The following PRPSAP1 variants were observed in gnomAD, a reference collection of about 807,000 sequenced individuals.
PRPSAP1 encodes the protein phosphoribosyl pyrophosphate synthase-associated protein 1.
In PRPSAP1, 31 loss-of-function variants were observed where a neutral mutation model predicts 39.4. The ratio of observed to expected loss-of-function variants is 0.79; its 90% CI spans 0.59 to 1.06. The LOEUF is 1.06. Ranked by LOEUF, PRPSAP1 falls within the 50% of genes least tolerant of loss-of-function variation. The pLI is 0.00. For missense variants in PRPSAP1, 430 were observed against 511.6 expected, an observed-to-expected ratio of 0.84 and a Z score of 1.54; for synonymous variants, 212 against 192.6, an observed-to-expected ratio of 1.10 and a Z score of -0.83.
chr17:76,332,875 G>T (rs1300528563), intron 3 of PRPSAP1, among the ~76,000 whole-genome samples: 2 of 152,056 alleles, frequency 1.3e-5, no homozygotes, highest in African/African-American at 4.8e-5. Context: ...TTGAGTGTGG[G>T]GAGGTCTTGG....
intron 3 of PRPSAP1, among the ~76,000 whole-genome samples, chr17:76,338,480 A>C (rs2071402077): frequency 6.6e-6 from 1 of 152,170 alleles, no homozygotes; most frequent in Non-Finnish European, 1.5e-5. Flanking sequence ...AGGCAGGTGA[A>C]TCACCTAAGG....
chr17:76,341,274 G>C (rs1598537206), intron 3 of PRPSAP1, among the ~76,000 whole-genome samples: 2 of 127,378 alleles, frequency 1.6e-5, no homozygotes, highest in South Asian at 5.0e-4. Flanking sequence ...ATCTGGCTCT[G>C]TTGCCCAGGT....
At chr17:76,323,397 C>T (rs1298124220) in intron 7 of PRPSAP1, among the ~76,000 whole-genome samples, 6 of 151,336 alleles carry the variant, frequency 4.0e-5, no homozygotes, top group Non-Finnish European at 7.4e-5. Flanking sequence ...ATAGTGATTC[C>T]TCTGAAGGAC....
intron 2 of PRPSAP1, among the ~76,000 whole-genome samples, chr17:76,347,018 C>T (rs549464480): frequency 4.6e-5 from 7 of 152,174 alleles, no homozygotes; most frequent in South Asian, 4.2e-4. Flanking sequence ...GCAAACCCTC[C>T]GGGCCCAATA....
At chr17:76,344,135 TG>T (rs2071470058) in intron 3 of PRPSAP1, among the ~76,000 whole-genome samples, 1 of 151,676 alleles carries the variant, frequency 6.6e-6, no homozygotes, top group African/African-American at 2.4e-5. Context: ...TCATTTATTT[TG>T]TTTTTTTTTG....
At chr17:76,327,072 G>C (rs1439683082) in intron 7 of PRPSAP1, among the ~76,000 whole-genome samples, 1 of 152,190 alleles carries the variant, frequency 6.6e-6, no homozygotes, top group Non-Finnish European at 1.5e-5. Flanking sequence ...TTACGGCTTG[G>C]CACGGTGGCT....
intron 6 of PRPSAP1, among the ~76,000 whole-genome samples, 169 bp downstream of exon 6, chr17:76,329,874 G>A (rs2071302224): frequency 6.6e-6 from 1 of 152,174 alleles, no homozygotes; most frequent in Non-Finnish European, 1.5e-5. Flanking sequence ...CTGTCTGGAG[G>A]CTGGAGATAA....
intron 3 of PRPSAP1, among the ~76,000 whole-genome samples, chr17:76,342,038 A>T (rs2071444959): frequency 6.6e-6 from 1 of 152,164 alleles, no homozygotes; most frequent in Admixed American, 6.6e-5. Context: ...AGAAAATGTG[A>T]ATTAGTATAT....
rs185823138 is a variant in PRPSAP1, at chr17:76,329,355, C to A, written c.636-493G>T. ...CTGGAATTACAGGCGTGAGCCACCC[C>A]GCCTGGCCCTGATTCTAGATAATTT... On this transcript the variant is annotated intron_variant, in intron 6 of 9. Transcript: ENST00000446526. 9.1e-3 allele frequency among the ~76,000 whole-genome samples: 1,385 copies of A among 152,184 alleles called. 9 individuals are homozygous for A. Among genetic ancestry groups the A allele is most frequent in the Non-Finnish European group, 0.016 (1,062 of 67,994 alleles).
chr17:76,332,463 G>A (rs2071332864), intron 3 of PRPSAP1, 28 bp from the exon 4 acceptor site: 1 of 1,610,540 alleles, frequency 6.2e-7, no homozygotes, highest in Non-Finnish European at 8.5e-7. Context: ...TGTATTTGGG[G>A]ATTAATTCCA....
intron 3 of PRPSAP1, among the ~76,000 whole-genome samples, chr17:76,341,118 G>A (rs553316340): frequency 6.6e-6 from 1 of 152,090 alleles, no homozygotes; most frequent in Admixed American, 6.6e-5. Context: ...TGTGCCAGAG[G>A]AGAACTGCTC....
chr17:76,339,858 A>G (rs2071417102), intron 3 of PRPSAP1, among the ~76,000 whole-genome samples: 1 of 151,794 alleles, frequency 6.6e-6, no homozygotes, highest in Non-Finnish European at 1.5e-5. Flanking sequence ...AAAGCTGGGC[A>G]CAGTGCCTCA....
chr17:76,327,314 C>T (rs1286331472), intron 7 of PRPSAP1, among the ~76,000 whole-genome samples: 1 of 151,186 alleles, frequency 6.6e-6, no homozygotes, highest in Non-Finnish European at 1.5e-5. Flanking sequence ...TGCCACTGCA[C>T]TCCAGCCTGG....
chr17:76,348,143 G>A (rs1414454532), intron 2 of PRPSAP1, among the ~76,000 whole-genome samples: 1 of 148,926 alleles, frequency 6.7e-6, no homozygotes, highest in Non-Finnish European at 1.5e-5. Flanking sequence ...CCAACATAGT[G>A]AGACCCCATC....
chr17:76,334,332 G>A (rs2143509803), intron 3 of PRPSAP1, among the ~76,000 whole-genome samples: 1 of 152,292 alleles, frequency 6.6e-6, no homozygotes, highest in South Asian at 2.1e-4. Flanking sequence ...TTACAGCAAA[G>A]CAGAAAGCCT....
chr17:76,339,902 C>T (rs1598535521), intron 3 of PRPSAP1, among the ~76,000 whole-genome samples: 1 of 151,602 alleles, frequency 6.6e-6, no homozygotes, highest in East Asian at 1.9e-4. Context: ...GAGGCCGGGG[C>T]AAGCAGATCA....
At chr17:76,330,288 A>G (rs1408894433) in intron 5 of PRPSAP1, 190 bp from the exon 6 acceptor site, 3 of 591,882 alleles carry the variant, frequency 5.1e-6, no homozygotes, top group Admixed American at 6.4e-5. Context: ...CTACGTCAAG[A>G]ATTTTTTAAA....
At chr17:76,349,304 C>CA (rs1333501040) in intron 1 of PRPSAP1, among the ~76,000 whole-genome samples, 365 of 91,190 alleles carry the variant, frequency 4.0e-3, no homozygotes, top group Middle Eastern at 0.013. Flanking sequence ...AACTCCGTCT[C>CA]AAAAAAAAAA....
intron 3 of PRPSAP1, among the ~76,000 whole-genome samples, chr17:76,333,880 T>A (rs951393697): frequency 6.3e-4 from 95 of 151,942 alleles, no homozygotes; most frequent in African/African-American, 2.2e-3. Flanking sequence ...TCATTCTTTC[T>A]TTCACTTACT....
Sources: allele counts gnomAD v4.1 joint callset (sites outside exome capture counted in the v4.1 genomes callset), GRCh38; gene constraint gnomAD v4.1.1; transcripts MANE v1.5; gene names NCBI Gene and HGNC (gene_info 2026-07-23, HGNC 2026-07-21).